Variants in SLC24A4 observed in about 807,000 individuals in gnomAD.
SLC24A4 encodes sodium/potassium/calcium exchanger 4.
SLC24A4 carries 53 observed loss-of-function variants against 79.0 expected under a neutral mutation model. The ratio of observed to expected loss-of-function variants is 0.67; its 90% confidence interval spans 0.54 to 0.84. The LOEUF is 0.84. Ranked by LOEUF, SLC24A4 falls within the 40% of genes least tolerant of loss-of-function variation. SLC24A4 has a pLI of 0.00. For synonymous variants in SLC24A4, 323 were observed against 323.8 expected (o/e 1.00, Z 0.03); for missense variants, 731 against 822.0 (o/e 0.89, Z 1.35).
chr14:92,399,371 A>G (rs1420075047), intron 2 of SLC24A4, among the ~76,000 whole-genome samples: 1 of 152,142 alleles, frequency 6.6e-6, no homozygotes, highest in Non-Finnish European at 1.5e-5. Flanking sequence ...CCAAGATCAG[A>G]TTTTTCTTTT....
At chr14:92,391,238 G>C (rs1367405333) in intron 2 of SLC24A4, among the ~76,000 whole-genome samples, 2 of 152,196 alleles carry the variant, frequency 1.3e-5, no homozygotes, top group African/African-American at 4.8e-5. Flanking sequence ...ATCTGTGGGC[G>C]TGGAGTGCAG....
At chr14:92,462,085 G>A (rs951963526) in intron 12 of SLC24A4, 2 of 152,206 alleles carry the variant, frequency 1.3e-5, no homozygotes, top group South Asian at 2.1e-4. Flanking sequence ...GGGGCTCCCC[G>A]AGTCACACAG....
chr14:92,374,111 A>G (rs1161161206), intron 2 of SLC24A4, among the ~76,000 whole-genome samples: 1 of 152,228 alleles, frequency 6.6e-6, no homozygotes, highest in Non-Finnish European at 1.5e-5. Flanking sequence ...AGAGAACCCC[A>G]GAAAGTTCTT....
At position 92,484,545 on chromosome 14, in the gene SLC24A4, T is replaced by A. The variant is rs72631615; in HGVS notation, c.1422+1699T>A. 3.0e-3 allele frequency: 3,000 copies of A among 985,398 alleles called. 126 individuals carry two copies. The East Asian group carries it at 0.14, about 46-fold the overall frequency. 61.0% of individuals were successfully genotyped at this position (985,398 alleles called of 1,614,324 possible). A position where few individuals can be genotyped will look rare whatever the true frequency, so the allele number is the denominator to read the frequency against. The stretch of plus-strand genomic sequence containing the variant: ...AGAAGCTCAGGATGGACTCTGTGAT[T>A]GTGTTTTAGTGAATGAAACAAGTCA... On this transcript the variant is annotated intron_variant, in intron 13 of 16. Transcript: ENST00000532405.
At chr14:92,464,980 G>A (rs148441963) in intron 12 of SLC24A4, among the ~76,000 whole-genome samples, 5 of 152,260 alleles carry the variant, frequency 3.3e-5, no homozygotes, top group African/African-American at 9.6e-5. Context: ...TCTGGCCCCA[G>A]CACCGTGCCT....
intron 2 of SLC24A4, among the ~76,000 whole-genome samples, chr14:92,328,242 G>A (rs1885261450): frequency 6.6e-6 from 1 of 152,220 alleles, no homozygotes; most frequent in Non-Finnish European, 1.5e-5. Context: ...AGTCTGTGTA[G>A]CAAGCACCTG....
At chr14:92,391,887 G>A (rs550145335) in intron 2 of SLC24A4, among the ~76,000 whole-genome samples, 47 of 152,310 alleles carry the variant, frequency 3.1e-4, no homozygotes, top group African/African-American at 1.0e-3. Flanking sequence ...GTGTGCCATG[G>A]TGGGCGTTCA....
chr14:92,380,221 C>T (rs940647865), intron 2 of SLC24A4, among the ~76,000 whole-genome samples: 18 of 152,330 alleles, frequency 1.2e-4, no homozygotes, highest in East Asian at 3.9e-4. Context: ...AGAGCACCCA[C>T]GTTCCCTTGG....
At chr14:92,409,837 C>G (rs1325378436) in intron 2 of SLC24A4, among the ~76,000 whole-genome samples, 1 of 152,114 alleles carries the variant, frequency 6.6e-6, no homozygotes, top group Non-Finnish European at 1.5e-5. Context: ...ACACATACAC[C>G]ATGGAATACT....
intron 11 of SLC24A4, among the ~76,000 whole-genome samples, chr14:92,455,324 C>A (rs75271958): frequency 0.16 from 23,863 of 152,220 alleles, 2,332 homozygotes; most frequent in Admixed American, 0.22. Context: ...TGCATAGCTG[C>A]AGTCTTCATA....
chr14:92,415,633 T>C (rs1890937633), intron 2 of SLC24A4, among the ~76,000 whole-genome samples: 1 of 151,998 alleles, frequency 6.6e-6, no homozygotes, highest in South Asian at 2.1e-4. Flanking sequence ...AATTTTTGTA[T>C]TTTTAGTAGA....
chr14:92,385,468 G>T (rs1019812368), intron 2 of SLC24A4, among the ~76,000 whole-genome samples: 11 of 150,480 alleles, frequency 7.3e-5, no homozygotes, highest in Admixed American at 1.3e-4. Flanking sequence ...CTGCACTCCA[G>T]CCTGGCGACA....
In SLC24A4 at chr14:92,448,923, C is replaced by T. The variant is rs1039859709; in HGVS notation, c.738-151C>T. 86 of 845,018 alleles carry T rather than the reference C, an allele frequency of 1.0e-4. No individual in the cohort carries two copies. In the African/African-American group the frequency reaches 1.4e-3, roughly 14 times the overall value. The allele number at this position is 845,018 out of a possible 1,614,324, so 52.3% of individuals were successfully genotyped here. A position where few individuals can be genotyped will look rare whatever the true frequency, so the allele number is the denominator to read the frequency against. On this transcript the variant is annotated intron_variant, in intron 9 of 16. Transcript: ENST00000532405. ...GGTCCCTGTCAGGAAACTGTCAGCC[C>T]AGTTGAAAAGCTGAGGCTCCACACC...
chr14:92,476,939 T>C (rs1165218914), intron 12 of SLC24A4, among the ~76,000 whole-genome samples: 8 of 152,260 alleles, frequency 5.3e-5, no homozygotes, highest in African/African-American at 1.9e-4. Context: ...ACATTTTGTT[T>C]ATCCATTCAT....
At chr14:92,423,301 T>C (rs1418785076) in intron 2 of SLC24A4, among the ~76,000 whole-genome samples, 3 of 152,002 alleles carry the variant, frequency 2.0e-5, no homozygotes, top group Non-Finnish European at 2.9e-5. Flanking sequence ...CGCGCGACCA[T>C]GCCTGGCTAA....
At chr14:92,390,174 A>G (rs938667935) in intron 2 of SLC24A4, among the ~76,000 whole-genome samples, 2 of 152,004 alleles carry the variant, frequency 1.3e-5, no homozygotes, top group African/African-American at 4.8e-5. Context: ...TCCAGAGCCC[A>G]GTCGTCCCTG....
intron 2 of SLC24A4, among the ~76,000 whole-genome samples, chr14:92,402,607 G>T (rs1890172999): frequency 6.6e-6 from 1 of 152,160 alleles, no homozygotes; most frequent in Admixed American, 6.5e-5. Context: ...AAGAAAAGAG[G>T]TTTAATTGGA....
chr14:92,393,545 CT>C (rs5810597), intron 2 of SLC24A4, among the ~76,000 whole-genome samples: 7,939 of 112,198 alleles, frequency 0.071, 327 homozygotes, highest in Non-Finnish European at 0.097. Context: ...AAGACACACT[CT>C]TTTTTTTTTT....
chr14:92,345,056 C>T (rs1427531005), intron 2 of SLC24A4, among the ~76,000 whole-genome samples: 2 of 152,126 alleles, frequency 1.3e-5, no homozygotes, highest in Admixed American at 6.5e-5. Flanking sequence ...GGCTGAGGGG[C>T]AGATAGAGTG....
Sources: allele counts gnomAD v4.1 joint callset (sites outside exome capture counted in the v4.1 genomes callset), GRCh38; gene constraint gnomAD v4.1.1; transcripts MANE v1.5; gene names NCBI Gene and HGNC (gene_info 2026-07-23, HGNC 2026-07-21).